The following PRKACB variants were observed in gnomAD, a reference collection of about 807,000 sequenced individuals.
PRKACB encodes the protein cAMP-dependent protein kinase catalytic subunit beta.
In PRKACB, 16 loss-of-function variants were observed where a neutral mutation model predicts 51.4. The ratio of observed to expected loss-of-function variants is 0.31; its 90% CI spans 0.21 to 0.47. PRKACB has a LOEUF of 0.47. Among genes scored for constraint, PRKACB ranks in the 20% least tolerant of loss-of-function variants. PRKACB has a pLI of 1.00. For missense variants in PRKACB, 309 were observed against 464.5 expected (o/e 0.67, Z 3.08); for synonymous variants, 147 against 154.4 (o/e 0.95, Z 0.35).
chr1:84,198,748 A>G (rs566740597), intron 7 of PRKACB, among the ~76,000 whole-genome samples: 1 of 151,278 alleles, frequency 6.6e-6, no homozygotes, highest in Non-Finnish European at 1.5e-5. Flanking sequence ...ACAGAAAAAC[A>G]TAAACAAACA....
At chr1:84,221,064 C>A (rs1211457211) in intron 9 of PRKACB, among the ~76,000 whole-genome samples, 1 of 152,064 alleles carries the variant, frequency 6.6e-6, no homozygotes, top group Admixed American at 6.5e-5. Flanking sequence ...TAAAGCCATG[C>A]AGCCCTGGGC....
intron 1 of PRKACB, among the ~76,000 whole-genome samples, chr1:84,146,718 C>A (rs1654142436): frequency 6.6e-6 from 1 of 151,894 alleles, no homozygotes; most frequent in Non-Finnish European, 1.5e-5. Context: ...AATTCATAAA[C>A]CTTTGTATAA....
chr1:84,198,827 A>G (rs1300177584), intron 7 of PRKACB, among the ~76,000 whole-genome samples: 1 of 149,766 alleles, frequency 6.7e-6, no homozygotes, highest in East Asian at 2.0e-4. Flanking sequence ...TCATATATGT[A>G]TGTACATATA....
chr1:84,135,628 G>A (rs1357990172), intron 1 of PRKACB, among the ~76,000 whole-genome samples: 1 of 152,126 alleles, frequency 6.6e-6, no homozygotes, highest in Non-Finnish European at 1.5e-5. Flanking sequence ...CAGGAAGAAA[G>A]CTGGAAATTA....
chr1:84,175,440 C>A (rs1469551435), intron 1 of PRKACB, among the ~76,000 whole-genome samples: 1 of 151,558 alleles, frequency 6.6e-6, no homozygotes, highest in Non-Finnish European at 1.5e-5. Context: ...ACAACATACT[C>A]TTTTTATCAT....
chr1:84,143,050 C>A (rs1653578451), upstream of PRKACB, among the ~76,000 whole-genome samples: 1 of 151,894 alleles, frequency 6.6e-6, no homozygotes. Flanking sequence ...ATTTCTTATC[C>A]TTTAGTGTCA....
intron 1 of PRKACB, among the ~76,000 whole-genome samples, chr1:84,109,171 C>T (rs1453666189): frequency 6.6e-6 from 1 of 151,796 alleles, no homozygotes; most frequent in Admixed American, 6.6e-5. Context: ...GTGATGTTTC[C>T]TTTTTGGGCC....
At chr1:84,147,690 G>GA (rs1654289530) in intron 1 of PRKACB, among the ~76,000 whole-genome samples, 1 of 151,962 alleles carries the variant, frequency 6.6e-6, no homozygotes, top group African/African-American at 2.4e-5. Flanking sequence ...TTACTAAAGA[G>GA]AAAATGGGGG....
chr1:84,118,054 A>G (rs1650770186), intron 1 of PRKACB, among the ~76,000 whole-genome samples: 1 of 152,160 alleles, frequency 6.6e-6, no homozygotes, highest in Non-Finnish European at 1.5e-5. Flanking sequence ...TCTCCAAGTC[A>G]CCAACCATGC....
chr1:84,206,811 G>A (rs1354235213), intron 8 of PRKACB, among the ~76,000 whole-genome samples: 1 of 152,126 alleles, frequency 6.6e-6, no homozygotes, highest in Non-Finnish European at 1.5e-5. Context: ...AAGGGCACTG[G>A]TACTATTCAA....
At chr1:84,180,183 G>GATTATATATATATATATATAT (rs1553173787) in intron 2 of PRKACB, among the ~76,000 whole-genome samples, 1 of 32,062 alleles carries the variant, frequency 3.1e-5, no homozygotes, top group African/African-American at 7.2e-5. Context: ...AAGAAACTGT[G>GATTATATATATATATATATAT]ATATATATAT....
chr1:84,078,480 C>T (rs755317007), intron 1 of PRKACB: 915 of 1,315,076 alleles, frequency 7.0e-4, no homozygotes, highest in Non-Finnish European at 8.7e-4. Flanking sequence ...GGCCTAGCAG[C>T]GGCCGCCGGG....
intron 1 of PRKACB, among the ~76,000 whole-genome samples, chr1:84,092,094 A>G (rs915884694): frequency 2.6e-5 from 4 of 152,218 alleles, no homozygotes; most frequent in African/African-American, 9.7e-5. Flanking sequence ...TAAAAATTTA[A>G]TTGAAGTATA....
intron 6 of PRKACB, among the ~76,000 whole-genome samples, chr1:84,197,131 C>A (rs1407200474): frequency 1.3e-5 from 2 of 152,220 alleles, no homozygotes; most frequent in East Asian, 3.9e-4. Flanking sequence ...ATAGCAAGGT[C>A]ATTTAGCCAA....
intron 1 of PRKACB, among the ~76,000 whole-genome samples, chr1:84,104,202 T>G (rs1173782288): frequency 6.6e-6 from 1 of 152,204 alleles, no homozygotes; most frequent in African/African-American, 2.4e-5. Context: ...TTTTAAAAGC[T>G]CCCTCATATG....
rs1215578667 is a variant in PRKACB, at chr1:84,198,956, T to TGCA, written c.783+1132_783+1133insGCA. Among the ~76,000 whole-genome samples the TGCA allele has an allele frequency of 3.3e-3, 488 of 147,164 alleles. 1 individual carries two copies. Among genetic ancestry groups the TGCA allele is most frequent in the Non-Finnish European group, 5.6e-3 (376 of 67,200 alleles). ...GTATATGTGTATATATACATATATA[T>TGCA]TCATATATATGTGTATACGCATATA... On this transcript the variant is annotated intron_variant, in intron 7 of 9. Transcript: ENST00000370685.
chr1:84,223,670 G>A (rs1177884643), intron 9 of PRKACB, among the ~76,000 whole-genome samples: 2 of 151,980 alleles, frequency 1.3e-5, no homozygotes, highest in African/African-American at 4.8e-5. Flanking sequence ...TGCCCGGCCT[G>A]TTTGGTTCTT....
chr1:84,139,507 A>G (rs981673711), upstream of PRKACB, among the ~76,000 whole-genome samples: 3 of 152,330 alleles, frequency 2.0e-5, no homozygotes, highest in East Asian at 1.9e-4. Context: ...TTAGGTATAA[A>G]TCTAACAAAA....
At chr1:84,154,089 T>C (rs1305442132) in intron 1 of PRKACB, among the ~76,000 whole-genome samples, 1 of 152,208 alleles carries the variant, frequency 6.6e-6, no homozygotes, top group Admixed American at 6.5e-5. Flanking sequence ...AGTAGCTCAT[T>C]GTGATTTTAA....
Sources: gnomAD v4.1 joint callset for allele counts (sites outside exome capture counted in the v4.1 genomes callset) on GRCh38, gnomAD v4.1.1 for gene constraint, MANE v1.5 for transcripts, NCBI Gene and HGNC (gene_info 2026-07-23, HGNC 2026-07-21) for gene names.